Variants in XRCC4 observed in about 807,000 individuals in gnomAD.
XRCC4 encodes DNA repair protein XRCC4.
In XRCC4, 28 loss-of-function variants were observed where a neutral mutation model predicts 39.1. The ratio of observed to expected loss-of-function variants is 0.72; its 90% CI spans 0.53 to 0.98. The LOEUF is 0.98. Among genes scored for constraint, XRCC4 ranks in the 50% least tolerant of loss-of-function variants. XRCC4 has a pLI of 0.00. For missense variants in XRCC4, 350 were observed against 376.4 expected, an observed-to-expected ratio of 0.93 and a Z score of 0.58; for synonymous variants, 123 against 126.4, an observed-to-expected ratio of 0.97 and a Z score of 0.18.
intron 6 of XRCC4, among the ~76,000 whole-genome samples, chr5:83,205,929 A>G (rs1751403115): frequency 6.6e-6 from 1 of 152,094 alleles, no homozygotes; most frequent in Admixed American, 6.6e-5. Context: ...AAAAACAAAA[A>G]CAAAAACAAA....
intron 7 of XRCC4, among the ~76,000 whole-genome samples, chr5:83,330,031 A>G (rs895727951): frequency 7.2e-5 from 11 of 152,144 alleles, no homozygotes; most frequent in Admixed American, 7.2e-4. Context: ...AAAACTATTC[A>G]GAAGTAACAC....
intron 3 of XRCC4, among the ~76,000 whole-genome samples, chr5:83,193,274 A>T (rs192465052): frequency 2.7e-5 from 4 of 148,778 alleles, no homozygotes; most frequent in Admixed American, 1.3e-4. Flanking sequence ...TTTGAGAATT[A>T]AAAAAAAAAA....
intron 1 of XRCC4, among the ~76,000 whole-genome samples, chr5:83,099,568 T>G (rs1242725995): frequency 6.6e-6 from 1 of 152,192 alleles, no homozygotes; most frequent in Non-Finnish European, 1.5e-5. Context: ...CTTATTTCTC[T>G]TCTAAGAGAG....
intron 3 of XRCC4, among the ~76,000 whole-genome samples, chr5:83,154,175 AT>A (rs1221572606): frequency 6.6e-6 from 1 of 152,146 alleles, no homozygotes; most frequent in Non-Finnish European, 1.5e-5. Flanking sequence ...TCCCTTGGAA[AT>A]TTTTTGGTTT....
Position 83,266,909 on chromosome 5 carries a change from C to T in XRCC4, c.893+8232C>T, listed in dbSNP as rs1003717007. On this transcript the variant is annotated intron_variant, in intron 7 of 7. Transcript: ENST00000396027. ...ATACAGAATAAGAAGTTGATACAGC[C>T]TCTATCTTTGTCTTTGTGTATGAAT... Among the ~76,000 whole-genome samples, 23 of 152,128 alleles carry T rather than the reference C, an allele frequency of 1.5e-4. No homozygotes were observed. The South Asian group carries it at 1.9e-3, about 12-fold the overall frequency.
At chr5:83,164,320 A>G (rs1366417792) in intron 3 of XRCC4, among the ~76,000 whole-genome samples, 4 of 152,138 alleles carry the variant, frequency 2.6e-5, no homozygotes, top group Non-Finnish European at 5.9e-5. Context: ...TTTGTTATGC[A>G]TCTTTTAAAT....
intron 3 of XRCC4, among the ~76,000 whole-genome samples, chr5:83,145,583 C>T (rs564656758): frequency 6.6e-6 from 1 of 152,264 alleles, no homozygotes; most frequent in East Asian, 1.9e-4. Context: ...TAGAGTTTAG[C>T]AAGAGATTTG....
chr5:83,196,200 T>C (rs529666068), intron 4 of XRCC4, among the ~76,000 whole-genome samples: 1 of 152,208 alleles, frequency 6.6e-6, no homozygotes, highest in African/African-American at 2.4e-5. Context: ...AACCCATTAA[T>C]ACTAATAAAA....
chr5:83,306,582 A>G (rs536659269), intron 7 of XRCC4, among the ~76,000 whole-genome samples: 8 of 152,338 alleles, frequency 5.3e-5, no homozygotes, highest in South Asian at 4.1e-4. Flanking sequence ...GCAAATGGAA[A>G]CCACAGAAAT....
chr5:83,305,109 T>C (rs1186131169), intron 7 of XRCC4, among the ~76,000 whole-genome samples: 2 of 152,140 alleles, frequency 1.3e-5, no homozygotes, highest in Admixed American at 6.5e-5. Flanking sequence ...TATAATAAGC[T>C]TTATTTTTAG....
At chr5:83,126,911 T>C (rs1379493758) in intron 3 of XRCC4, among the ~76,000 whole-genome samples, 1 of 152,184 alleles carries the variant, frequency 6.6e-6, no homozygotes, top group Admixed American at 6.6e-5. Flanking sequence ...CTTTAGACAT[T>C]TCTGGGACTT....
rs141498942 is a variant in XRCC4 at position 83,137,048 on chromosome 5, A to G, written c.315+25845A>G. Among the ~76,000 whole-genome samples, 286 of 152,308 alleles carry G rather than the reference A, an allele frequency of 1.9e-3. 1 individual carries two copies. The highest frequency in any genetic ancestry group is 6.4e-3 in the African/African-American group (265 of 41,578). ...ATTGTAGACATAGATCAAGTCATCA[A>G]GTTGTGTACCTTATATACAAAAAAA... On this transcript the variant is annotated intron_variant, in intron 3 of 7. Transcript: ENST00000396027.
At chr5:83,265,837 A>G (rs1166264079) in intron 7 of XRCC4, among the ~76,000 whole-genome samples, 2 of 150,186 alleles carry the variant, frequency 1.3e-5, no homozygotes, top group East Asian at 1.9e-4. Context: ...TGGAGCTTAC[A>G]TAGGTGTTTT....
At chr5:83,278,368 A>G (rs950504248) in intron 7 of XRCC4, among the ~76,000 whole-genome samples, 4 of 152,218 alleles carry the variant, frequency 2.6e-5, no homozygotes, top group African/African-American at 9.6e-5. Context: ...CTAAATATTT[A>G]GTGGTCTCTG....
intron 3 of XRCC4, among the ~76,000 whole-genome samples, chr5:83,159,020 G>A (rs1443592130): frequency 6.6e-6 from 1 of 152,112 alleles, no homozygotes; most frequent in African/African-American, 2.4e-5. Flanking sequence ...GAGAAGAAAT[G>A]TGTTGGAAAT....
intron 1 of XRCC4, among the ~76,000 whole-genome samples, chr5:83,085,773 A>G (rs147786831): frequency 8.9e-4 from 135 of 152,328 alleles, no homozygotes; most frequent in African/African-American, 3.0e-3. Flanking sequence ...CAACATAGAA[A>G]ATAGAAGTTT....
chr5:83,134,968 G>C (rs558186933), intron 3 of XRCC4, among the ~76,000 whole-genome samples: 12 of 152,078 alleles, frequency 7.9e-5, no homozygotes, highest in African/African-American at 2.9e-4. Flanking sequence ...AAGATACTCC[G>C]GACACATCTG....
intron 7 of XRCC4, among the ~76,000 whole-genome samples, chr5:83,307,575 T>C (rs1408466423): frequency 6.6e-6 from 1 of 152,214 alleles, no homozygotes; most frequent in Non-Finnish European, 1.5e-5. Flanking sequence ...CCACATTTAG[T>C]TGTGATTATC....
chr5:83,329,196 A>C (rs1446995654), intron 7 of XRCC4, among the ~76,000 whole-genome samples: 1 of 152,176 alleles, frequency 6.6e-6, no homozygotes, highest in Non-Finnish European at 1.5e-5. Context: ...TTTTGGAAGA[A>C]AACACAGGAG....
Sources: gnomAD v4.1 joint callset for allele counts (sites outside exome capture counted in the v4.1 genomes callset) on GRCh38, gnomAD v4.1.1 for gene constraint, MANE v1.5 for transcripts, NCBI Gene and HGNC (gene_info 2026-07-23, HGNC 2026-07-21) for gene names.